MSANTD3: variants seen among roughly 807,000 people sequenced by gnomAD.
MSANTD3 encodes Myb/SANT DNA binding domain containing 3, also known as myb/SANT-like DNA-binding domain-containing protein 3.
Under a neutral mutation model 27.7 loss-of-function variants are expected in MSANTD3, and 11 were observed. The observed-to-expected ratio is 0.40, with a 90% CI of 0.25 to 0.66. MSANTD3 has a LOEUF of 0.66. Ranked by LOEUF, MSANTD3 falls within the 30% of genes least tolerant of loss-of-function variation. The pLI, the probability that MSANTD3 is intolerant of heterozygous loss-of-function variation, is 0.41. For missense variants in MSANTD3, 250 were observed against 336.5 expected (o/e 0.74, Z 2.01); for synonymous variants, 131 against 127.2 (o/e 1.03, Z -0.20).
chr9:100,436,652 T>C (rs1836484555), intron 1 of MSANTD3, among the ~76,000 whole-genome samples: 1 of 152,218 alleles, frequency 6.6e-6, no homozygotes, highest in South Asian at 2.1e-4. Context: ...AGAGTATCCT[T>C]TCTAGCCTCA....
At chr9:100,440,780 CTTTTTTTTTTTTTTT>C (rs529362356) in intron 1 of MSANTD3, among the ~76,000 whole-genome samples, 2 of 85,702 alleles carry the variant, frequency 2.3e-5, no homozygotes, top group Admixed American at 2.8e-4. Flanking sequence ...TTTTTCTTCC[CTTTTTTTTTTTTTTT>C]TTTTTTTTTT....
At chr9:100,445,282 T>TCAAATACACAAG in intron 2 of MSANTD3, 1 of 1,096,622 alleles carries the variant, frequency 9.1e-7, no homozygotes, top group Non-Finnish European at 1.4e-6. Context: ...ACATCTTGTG[T>TCAAATACACAAG]ATTTGACATA....
intron 2 of MSANTD3, among the ~76,000 whole-genome samples, chr9:100,445,453 G>T (rs1447471218): frequency 6.6e-6 from 1 of 151,994 alleles, no homozygotes; most frequent in African/African-American, 2.4e-5. Context: ...ACCTAAAAAT[G>T]TAAAAAAACT....
intron 1 of MSANTD3, among the ~76,000 whole-genome samples, chr9:100,438,569 A>G (rs1836531920): frequency 6.6e-6 from 1 of 152,198 alleles, no homozygotes; most frequent in Admixed American, 6.5e-5. Flanking sequence ...GAAGTGGGGA[A>G]AGTTGGCATA....
chr9:100,445,232 A>C, intron 2 of MSANTD3: 1 of 1,581,912 alleles, frequency 6.3e-7, no homozygotes, highest in South Asian at 1.1e-5. Context: ...ACTTGGTAGG[A>C]AAAAGGTGGA....
In MSANTD3 at chr9:100,448,496, T is replaced by G. The variant is rs965853832; in HGVS notation, c.419-2061T>G. The G allele has an allele frequency of 3.0e-6, 3 of 985,314 alleles. No homozygotes were observed. The African/African-American group carries it at 5.2e-5, about 17-fold the overall frequency. The allele number at this position is 985,314 out of a possible 1,614,324, so 61.0% of individuals were successfully genotyped here. ...CTCTCCCATTCCTTTGTCCTGTGCC[T>G]TGGTTACCCACACAGAGCACTGTTC... is the stretch of plus-strand genomic sequence containing the variant. On this transcript the variant is annotated intron_variant, in intron 2 of 2. Transcript: ENST00000395067.
Position 100,440,780 on chromosome 9 carries a change from C to CTT in MSANTD3, c.-33-1100_-33-1099dup, listed in dbSNP as rs529362356. Among the ~76,000 whole-genome samples the CTT allele has an allele frequency of 5.0e-3, 426 of 85,696 alleles. 16 individuals carry two copies. Among genetic ancestry groups the CTT allele is most frequent in the African/African-American group, 0.013 (251 of 19,768 alleles). 56.2% of individuals were successfully genotyped at this position (85,696 alleles called of 152,430 possible). ...TATTTTTTTTTCTTCTTTTTCTTCC[C>CTT]TTTTTTTTTTTTTTTTTTTTTTTTT... On this transcript the variant is annotated intron_variant, in intron 1 of 2. Transcript: ENST00000395067.
chr9:100,446,137 C>T (rs1259636848), intron 2 of MSANTD3, among the ~76,000 whole-genome samples: 1 of 152,084 alleles, frequency 6.6e-6, no homozygotes, highest in Non-Finnish European at 1.5e-5. Flanking sequence ...TAGTGTAGCA[C>T]CTAGATGTCT....
At position 100,450,923 on chromosome 9, in the gene MSANTD3, G is replaced by A. The variant is rs1457179895; in HGVS notation, c.785G>A (p.Trp262Ter). 6.2e-7 allele frequency: 1 copy of A among 1,609,496 alleles called. No individual in the cohort carries two copies. The highest frequency in any genetic ancestry group is 1.7e-5 in the Admixed American group (1 of 59,230). ...AAACTACAAACTTTTACCAAGGAAT[G>A]GCCTGTTTCCTCATTTAACCGGCCC... ...ERKLQTFTKE[W>*]PVSSFNRPFP... The change falls in exon 3 of 3, where the codon TGG becomes TAG. Residue 262 changes from tryptophan to a stop codon, truncating the protein, a stop_gained. Transcript: ENST00000395067. LOFTEE classifies it high-confidence loss of function.
At position 100,451,732 on chromosome 9, in the gene MSANTD3, C is replaced by G. The variant is rs1052652708; in HGVS notation, c.*766C>G. ...TTATTAAAAAAAAAAAAAAGACTTG[C>G]AATTTTATAGTCACACTGTGTATGT... On this transcript the variant is annotated 3_prime_UTR_variant, in exon 3 of 3. Coordinates refer to ENST00000395067, the MANE Select transcript of MSANTD3 (RefSeq NM_080655.3). 6.6e-6 allele frequency: 1 copy of G among 150,758 alleles called. No individual in the cohort carries two copies. Among genetic ancestry groups the G allele is most frequent in the South Asian group, 2.1e-4 (1 of 4,776 alleles). 9.3% of individuals were successfully genotyped at this position (150,758 alleles called of 1,614,324 possible).
chr9:100,431,254 G>A (rs1366655792), intron 1 of MSANTD3, among the ~76,000 whole-genome samples: 1 of 150,724 alleles, frequency 6.6e-6, no homozygotes, highest in Non-Finnish European at 1.5e-5. Flanking sequence ...CTCCCACCTC[G>A]GCCTCCCAAA....
intron 1 of MSANTD3, among the ~76,000 whole-genome samples, chr9:100,438,361 T>C (rs1184976263): frequency 2.0e-5 from 3 of 152,182 alleles, no homozygotes; most frequent in Non-Finnish European, 2.9e-5. Context: ...GTTTTTATCT[T>C]TTGGTGGAGA....
chr9:100,443,514 A>G (rs1469191401), intron 2 of MSANTD3, among the ~76,000 whole-genome samples: 1 of 152,200 alleles, frequency 6.6e-6, no homozygotes, highest in African/African-American at 2.4e-5. Flanking sequence ...CCATTATACT[A>G]TTGTGATCCA....
chr9:100,437,503 A>C (rs182089807), intron 1 of MSANTD3, among the ~76,000 whole-genome samples: 1 of 152,294 alleles, frequency 6.6e-6, no homozygotes, highest in East Asian at 1.9e-4. Context: ...TGGTTAAGGG[A>C]GATAAACAGC....
intron 2 of MSANTD3, chr9:100,444,823 G>A (rs1031365822): frequency 4.7e-5 from 8 of 171,842 alleles, no homozygotes; most frequent in African/African-American, 9.5e-5. Flanking sequence ...ACTCATAAAC[G>A]TAATTTATAA....
chr9:100,446,888 T>C (rs1836766859), intron 2 of MSANTD3, among the ~76,000 whole-genome samples: 1 of 151,960 alleles, frequency 6.6e-6, no homozygotes, highest in Non-Finnish European at 1.5e-5. Flanking sequence ...TCTTTTAATG[T>C]GTTATATATA....
At chr9:100,443,015 A>T (rs1239430248) in intron 2 of MSANTD3, among the ~76,000 whole-genome samples, 1 of 152,080 alleles carries the variant, frequency 6.6e-6, no homozygotes, top group Non-Finnish European at 1.5e-5. Context: ...ATTTGTATTC[A>T]TCCACTCAAT....
At chr9:100,445,257 G>C (rs1836726362) in intron 2 of MSANTD3, 2 of 1,375,764 alleles carry the variant, frequency 1.5e-6, no homozygotes, top group African/African-American at 1.4e-5. Context: ...CTGCTATAGA[G>C]TTATGGCCCT....
intron 1 of MSANTD3, among the ~76,000 whole-genome samples, chr9:100,434,603 G>A (rs1300520735): frequency 6.6e-6 from 1 of 152,044 alleles, no homozygotes; most frequent in Non-Finnish European, 1.5e-5. Flanking sequence ...CAGAGTCCAG[G>A]CCTTCTCTTA....
Sources: gnomAD v4.1 joint callset for allele counts (sites outside exome capture counted in the v4.1 genomes callset) on GRCh38, gnomAD v4.1.1 for gene constraint, MANE v1.5 for transcripts, NCBI Gene and HGNC (gene_info 2026-07-23, HGNC 2026-07-21) for gene names.